GADL1: variants seen among roughly 807,000 people sequenced by gnomAD.
GADL1 encodes the protein GAD like acidic amino acid decarboxylase 1.
In GADL1, 71 loss-of-function variants were observed where a neutral mutation model predicts 69.5. The observed-to-expected ratio is 1.02, with a 90% confidence interval of 0.84 to 1.25. The LOEUF (loss-of-function observed/expected upper bound fraction) is 1.25, where lower values mean the gene tolerates loss of function less well. Among genes scored for constraint, GADL1 ranks in the 50% most tolerant of loss-of-function variants. GADL1 has a pLI of 0.00. For missense variants in GADL1, 737 were observed against 631.8 expected, an observed-to-expected ratio of 1.17 and a Z score of -1.79; for synonymous variants, 254 against 214.4, an observed-to-expected ratio of 1.18 and a Z score of -1.62.
intron 12 of GADL1, among the ~76,000 whole-genome samples, chr3:30,788,460 G>GTA (rs1371313242): frequency 6.6e-6 from 1 of 152,162 alleles, no homozygotes; most frequent in Non-Finnish European, 1.5e-5. Flanking sequence ...TCAGTGAGTT[G>GTA]TAATCTTTTT....
chr3:30,836,285 A>G (rs1056464769), intron 9 of GADL1, among the ~76,000 whole-genome samples: 1 of 151,892 alleles, frequency 6.6e-6, no homozygotes, highest in African/African-American at 2.4e-5. Flanking sequence ...TCCCAATTCT[A>G]GTGAACTGGA....
chr3:30,857,435 T>G (rs1414122028), intron 2 of GADL1, among the ~76,000 whole-genome samples: 1 of 151,910 alleles, frequency 6.6e-6, no homozygotes, highest in Non-Finnish European at 1.5e-5. Context: ...TAGATGGAAG[T>G]GACAGAAGTA....
chr3:30,770,987 T>C (rs1167035390), intron 14 of GADL1, among the ~76,000 whole-genome samples: 1 of 152,116 alleles, frequency 6.6e-6, no homozygotes, highest in African/African-American at 2.4e-5. Context: ...TAATAACAAA[T>C]TTTATGCGTT....
chr3:30,801,950 T>G (rs1309846806), intron 11 of GADL1, among the ~76,000 whole-genome samples: 1 of 152,234 alleles, frequency 6.6e-6, no homozygotes, highest in Admixed American at 6.5e-5. Flanking sequence ...CTGTCTCATC[T>G]ATGTCTTGTC....
intron 11 of GADL1, among the ~76,000 whole-genome samples, chr3:30,812,782 CTG>C (rs1258370409): frequency 2.6e-5 from 4 of 152,084 alleles, no homozygotes; most frequent in African/African-American, 9.7e-5. Context: ...ATTGCTAACT[CTG>C]AGTTTCTGGG....
chr3:30,854,987 T>C (rs1280689686), intron 3 of GADL1, among the ~76,000 whole-genome samples, 198 bp from the exon 4 acceptor site: 2 of 152,072 alleles, frequency 1.3e-5, no homozygotes, highest in African/African-American at 2.4e-5. Context: ...CTAGGTACTT[T>C]GTGGAAAGAA....
At chr3:30,785,018 T>TG (rs1431483407) in intron 13 of GADL1, among the ~76,000 whole-genome samples, 4 of 152,228 alleles carry the variant, frequency 2.6e-5, no homozygotes, top group Non-Finnish European at 4.4e-5. Context: ...GCTTGCTGTT[T>TG]ATCTTTATTC....
At chr3:30,753,441 T>C (rs1695883701) in intron 14 of GADL1, among the ~76,000 whole-genome samples, 1 of 152,138 alleles carries the variant, frequency 6.6e-6, no homozygotes, top group African/African-American at 2.4e-5. Context: ...AGTTTATTTT[T>C]TAATTTTTAG....
At chr3:30,757,605 TTTA>T (rs1444507785) in intron 14 of GADL1, among the ~76,000 whole-genome samples, 4 of 152,200 alleles carry the variant, frequency 2.6e-5, no homozygotes, top group Admixed American at 6.5e-5. Flanking sequence ...AAGTTTGCTG[TTTA>T]TTTTCTAGGG....
chr3:30,800,338 G>A (rs1358121261), intron 12 of GADL1: 1 of 152,960 alleles, frequency 6.5e-6, no homozygotes, highest in East Asian at 1.9e-4. Flanking sequence ...CAGATCTTGT[G>A]AGACTTATTC....
In GADL1 at chr3:30,878,595, G is replaced by A. The variant is rs528339454; in HGVS notation, c.37+15983C>T. Among the ~76,000 whole-genome samples the A allele has an allele frequency of 4.0e-5, 6 of 151,880 alleles. No individual in the cohort carries two copies. In the South Asian group the frequency reaches 8.3e-4, roughly 21 times the overall value. ...TCATAAAATGCATAACTTATCTACT[G>A]AGACTTACTTATCACAGGACACTCC... On this transcript the variant is annotated intron_variant, in intron 1 of 14. Transcript: ENST00000282538.
intron 11 of GADL1, among the ~76,000 whole-genome samples, chr3:30,826,906 C>A (rs1697690647): frequency 6.6e-6 from 1 of 151,760 alleles, no homozygotes; most frequent in Admixed American, 6.6e-5. Context: ...CTGGCACAAC[C>A]CAGAGTCAAG....
intron 11 of GADL1, among the ~76,000 whole-genome samples, chr3:30,829,298 C>T (rs1248924441): frequency 1.3e-5 from 2 of 151,722 alleles, no homozygotes; most frequent in Admixed American, 6.6e-5. Context: ...TGCTTTGTTC[C>T]TGAAGCAGTC....
At chr3:30,766,277 G>A (rs1279293821) in intron 14 of GADL1, among the ~76,000 whole-genome samples, 1 of 152,148 alleles carries the variant, frequency 6.6e-6, no homozygotes, top group African/African-American at 2.4e-5. Context: ...AGGTAGGAAT[G>A]CTAAATTCAC....
At chr3:30,762,630 C>T (rs1324870318) in intron 14 of GADL1, among the ~76,000 whole-genome samples, 2 of 152,098 alleles carry the variant, frequency 1.3e-5, no homozygotes, top group African/African-American at 4.8e-5. Context: ...ATGTCCCAAC[C>T]ACACTTTTTA....
At chr3:30,749,744 G>A (rs1695771267) in intron 14 of GADL1, among the ~76,000 whole-genome samples, 1 of 152,184 alleles carries the variant, frequency 6.6e-6, no homozygotes, top group African/African-American at 2.4e-5. Context: ...GTCCTCTACT[G>A]AGTGGTTTCA....
At chr3:30,851,525 G>A (rs1282970131) in intron 4 of GADL1, among the ~76,000 whole-genome samples, 1 of 152,156 alleles carries the variant, frequency 6.6e-6, no homozygotes, top group Non-Finnish European at 1.5e-5. Context: ...AATGAAGGAT[G>A]TGTTGCTCCG....
chr3:30,751,317 A>G (rs541477837), intron 14 of GADL1, among the ~76,000 whole-genome samples: 1 of 151,980 alleles, frequency 6.6e-6, no homozygotes, highest in Non-Finnish European at 1.5e-5. Flanking sequence ...CCCTGGGACC[A>G]TTGTGGTAAG....
rs773465094 is a variant in GADL1, at chr3:30,839,079, C to T, written c.821G>A (p.Gly274Asp). ...AAPFLVCATS[G>D]TTVLGAFDPL... ...GTCAAAAGCTCCCAACACAGTTGTA[C>T]CAGAAGTGGCACAGACAAGAAACGG... The change falls in exon 9 of 15, where the codon GGT becomes GAT. Residue 274 changes from glycine (G) to aspartate (D), a missense_variant. Gly to Asp is a moderately conservative substitution (Grantham distance 94, BLOSUM62 -1). Coordinates refer to ENST00000282538, the MANE Select transcript of GADL1 (RefSeq NM_207359.3). 6.2e-7 allele frequency: 1 copy of T among 1,603,820 alleles called. No homozygotes were observed. The highest frequency in any genetic ancestry group is 8.5e-7 in the Non-Finnish European group (1 of 1,175,410).
Sources: allele counts gnomAD v4.1 joint callset (sites outside exome capture counted in the v4.1 genomes callset), GRCh38; gene constraint gnomAD v4.1.1; transcripts MANE v1.5; gene names NCBI Gene and HGNC (gene_info 2026-07-23, HGNC 2026-07-21).